GEMIN4: variants seen among roughly 807,000 people sequenced by gnomAD.
The protein encoded by GEMIN4 is gem nuclear organelle associated protein 4, also known as gem-associated protein 4.
Under a neutral mutation model 76.8 loss-of-function variants are expected in GEMIN4, and 59 were observed. The observed-to-expected ratio is 0.77, with a 90% CI of 0.62 to 0.95. The LOEUF is 0.95. GEMIN4 is among the 40% of genes least tolerant of loss of function. The pLI is 0.00. For synonymous variants in GEMIN4, 562 were observed against 559.7 expected (o/e 1.00, Z -0.06); for missense variants, 1,311 against 1,318.9 (o/e 0.99, Z 0.09).
chr17:745,823 T>C lies in GEMIN4; in HGVS notation c.2220A>G (p.Val740=). The C allele has an allele frequency of 6.2e-7, 1 of 1,613,154 alleles. No homozygotes were observed. The highest frequency in any genetic ancestry group is 8.5e-7 in the Non-Finnish European group (1 of 1,179,824). Residue 740 remains valine, a synonymous_variant, in exon 2 of 2, where the codon GTA becomes GTG. Transcript: ENST00000319004. This position sits in a 1 kb window ranked among gnomAD's most constrained non-coding sequence, Gnocchi z 4.6. ...GGGAGAAGGTCTCAGCATTGGCTGA[T>C]ACAATCTCACACAGGAGCTCCAGGA... ...IHILELLCEI[V]SANAETFSPD...
chr17:744,860 G>C lies in GEMIN4; in HGVS notation c.*6C>G. ...GCCATGTTGGGGCCCAGCTCCCCAC[G>C]CCAAGTCAGAAGCTGCTCATCTTCT... is the stretch of plus-strand genomic sequence containing the variant. On this transcript the variant is annotated 3_prime_UTR_variant, in exon 2 of 2. Coordinates refer to ENST00000319004, the MANE Select transcript of GEMIN4 (RefSeq NM_015721.3). 1 of 1,603,152 alleles carries C rather than the reference G, an allele frequency of 6.2e-7. No homozygotes were observed. Among genetic ancestry groups the C allele is most frequent in the South Asian group, 1.1e-5 (1 of 90,192 alleles).
In GEMIN4 at chr17:746,778, C is replaced by T. The variant is rs1466571370; in HGVS notation, c.1265G>A (p.Cys422Tyr). 6.2e-7 allele frequency: 1 copy of T among 1,613,822 alleles called. No homozygotes were observed. Among genetic ancestry groups the T allele is most frequent in the Non-Finnish European group, 8.5e-7 (1 of 1,179,822 alleles). Residue 422 changes from cysteine (C) to tyrosine (Y), a missense_variant, in exon 2 of 2, where the codon TGC becomes TAC. By Grantham distance (194) the Cys-to-Tyr change is radical (BLOSUM62 -2). Transcript: ENST00000319004. The surrounding 1 kb of genome is among the most constrained non-coding windows in gnomAD (Gnocchi z 4.3). ...QQKMDRHMEVCYIFASEKKWA... is the reference protein window; with the variant it reads ...QQKMDRHMEVYYIFASEKKWA... ...CTTCTTCTCAGAGGCAAAAATGTAG[C>T]ACACTTCCATATGGCGGTCCATCTT...
intron 1 of GEMIN4, chr17:748,903 G>T (rs1904459753): frequency 5.7e-6 from 1 of 173,926 alleles, no homozygotes; most frequent in Non-Finnish European, 1.1e-5. Flanking sequence ...AATGGGCACA[G>T]AGCAATCACA....
rs1278534254 is a variant in GEMIN4 at position 748,510 on chromosome 17, CTCCAGCAAAGGCTGG to C, written c.11-493_11-479del. The stretch of plus-strand genomic sequence containing the variant: ...AAAGCTGGGCTGCTGAGGCGAGACC[CTCCAGCAAAGGCTGG>C]GCCAGCAGAGGATGTGGGGAGAGGG... On this transcript the variant is annotated intron_variant, in intron 1 of 1. Coordinates refer to ENST00000319004, the MANE Select transcript of GEMIN4 (RefSeq NM_015721.3). 54 of 175,306 alleles carry C rather than the reference CTCCAGCAAAGGCTGG, an allele frequency of 3.1e-4. 1 individual carries two copies. Among genetic ancestry groups the C allele is most frequent in the Non-Finnish European group, 5.9e-4 (49 of 82,392 alleles). The allele number at this position is 175,306 out of a possible 1,614,324, so 10.9% of individuals were successfully genotyped here. A position where few individuals can be genotyped will look rare whatever the true frequency, so the allele number is the denominator to read the frequency against.
At chr17:748,947 C>G (rs1366337705) in intron 1 of GEMIN4, 2 of 167,294 alleles carry the variant, frequency 1.2e-5, no homozygotes, top group African/African-American at 5.7e-5. Flanking sequence ...AGCAATCACA[C>G]GGCCACAGGA....
chr17:748,884 CTACAGGATAATGGG>C (rs1904457472), intron 1 of GEMIN4: 2 of 187,178 alleles, frequency 1.1e-5, no homozygotes, highest in African/African-American at 5.2e-5. Flanking sequence ...AATCACACGG[CTACAGGATAATGGG>C]CACAGAGCAA....
chr17:747,772 G>GT lies in GEMIN4; in HGVS notation c.270dup (p.Arg91ThrfsTer61). On this transcript the variant is annotated frameshift_variant, in exon 2 of 2. Coordinates refer to ENST00000319004, the MANE Select transcript of GEMIN4 (RefSeq NM_015721.3). LOFTEE classifies it high-confidence loss of function. ...GAGAAGAACAGGTCTTCCTGCCACC[G>GT]TGTCTCTGTGTCGGACGGGGTCACG... 2 of 1,613,568 alleles carry GT rather than the reference G, an allele frequency of 1.2e-6. No individual in the cohort carries two copies. Among genetic ancestry groups the GT allele is most frequent in the Non-Finnish European group, 1.7e-6 (2 of 1,179,794 alleles).
rs1379225681 is a variant in GEMIN4, at chr17:747,661, G to A, written c.382C>T (p.Leu128Phe). 1.2e-6 allele frequency: 2 copies of A among 1,613,874 alleles called. No homozygotes were observed. Among genetic ancestry groups the A allele is most frequent in the Non-Finnish European group, 1.7e-6 (2 of 1,179,888 alleles). Residue 128 changes from leucine (L) to phenylalanine (F), a missense_variant, in exon 2 of 2, where the codon CTC (leucine) becomes TTC (phenylalanine). By Grantham distance (22) the Leu-to-Phe change is conservative (BLOSUM62 0). Coordinates refer to ENST00000319004, the MANE Select transcript of GEMIN4 (RefSeq NM_015721.3). Reference protein sequence around the residue: ...SLEASGLFIQLLMALPTTICH... With the variant: ...SLEASGLFIQFLMALPTTICH... ...ATGGTGGTGGGCAGGGCCATCAGGA[G>A]CTGGATAAAGAGTCCAGAAGCTTCC...
At chr17:752,640 G>T, upstream of GEMIN4, 1 of 1,007,296 alleles carries the variant, frequency 9.9e-7, no homozygotes, top group Non-Finnish European at 1.2e-6. Context: ...CGCTCCTGCC[G>T]CGCCGCCCCC....
chr17:747,188 G>C lies in GEMIN4; in HGVS notation c.855C>G (p.His285Gln), dbSNP rs1257302179. 6.2e-7 allele frequency: 1 copy of C among 1,612,982 alleles called. No homozygotes were observed. The highest frequency in any genetic ancestry group is 8.5e-7 in the Non-Finnish European group (1 of 1,179,598). Reference protein sequence around the residue: ...VWNSDTQNPYHQQALAEKVKE... With the variant: ...VWNSDTQNPYQQQALAEKVKE... Reference sequence around the variant, plus strand: ...TCACCTTCTCTGCCAGCGCCTGCTGGTGGTAGGGATTCTGGGTGTCCGAGT... The same window carrying C: ...TCACCTTCTCTGCCAGCGCCTGCTGCTGGTAGGGATTCTGGGTGTCCGAGT... The change falls in exon 2 of 2, where the codon CAC becomes CAG. Residue 285 changes from histidine to glutamine, a missense_variant. Transcript: ENST00000319004.
chr17:752,235 G>A lies in GEMIN4; in HGVS notation c.-93C>T, dbSNP rs1478929115. On this transcript the variant is annotated 5_prime_UTR_variant, in exon 1 of 2. Transcript: ENST00000319004. ...GACGCACGGCACGATGGGAGACGCA[G>A]GAGCCACGGCGGCCGCGCTTAGGCC... 27 of 1,228,752 alleles carry A rather than the reference G, an allele frequency of 2.2e-5. No homozygotes were observed. Among genetic ancestry groups the A allele is most frequent in the East Asian group, 6.3e-5 (2 of 31,516 alleles). 76.1% of individuals were successfully genotyped at this position (1,228,752 alleles called of 1,614,324 possible).
At chr17:752,872 C>T (rs1904835405), upstream of GEMIN4, 2 of 153,750 alleles carry the variant, frequency 1.3e-5, no homozygotes, top group Admixed American at 1.3e-4. Context: ...CAGGGACCGC[C>T]TCCACCACCC....
upstream of GEMIN4, chr17:752,706 A>C (rs1358468453): frequency 3.4e-6 from 3 of 878,738 alleles, no homozygotes; most frequent in Non-Finnish European, 4.1e-6. Context: ...TCCTCCCCAG[A>C]AAATGCGCCG....
chr17:746,586 C>G lies in GEMIN4; in HGVS notation c.1457G>C (p.Cys486Ser). Reference sequence around the variant, plus strand: ...ACCTGGCAGGGAGAGGTCTGCGTAACATTCCAGGATCAGGTGGATCACCTG... The same window carrying G: ...ACCTGGCAGGGAGAGGTCTGCGTAAGATTCCAGGATCAGGTGGATCACCTG... ...IRQVIHLILECYADLSLPGKN... is the reference protein window; with the variant it reads ...IRQVIHLILESYADLSLPGKN... The change falls in exon 2 of 2, where the codon TGT (cysteine) becomes TCT (serine). Residue 486 changes from cysteine (C) to serine (S), a missense_variant. This residue lies in a region of GEMIN4 where 1,208 missense variants were observed against 1,166.9 expected (regional missense o/e 1.04). Coordinates refer to ENST00000319004, the MANE Select transcript of GEMIN4 (RefSeq NM_015721.3). The surrounding 1 kb of genome is among the most constrained non-coding windows in gnomAD (Gnocchi z 4.3). 6.2e-7 allele frequency: 1 copy of G among 1,613,648 alleles called. No homozygotes were observed.
In GEMIN4 at chr17:746,795, G is replaced by C. The variant is rs1487532819; in HGVS notation, c.1248C>G (p.Asp416Glu). ...AAATGTAGCACACTTCCATATGGCG[G>C]TCCATCTTCTGCTGGATGACGGCCA... ...IAMAVIQQKMDRHMEVCYIFA... is the reference protein window; with the variant it reads ...IAMAVIQQKMERHMEVCYIFA... The change falls in exon 2 of 2, where the codon GAC becomes GAG. Residue 416 changes from aspartate to glutamate, a missense_variant. Physicochemically the swap from Asp to Glu is conservative, Grantham distance 45. Around this residue, in one of 2 missense-constraint regions of GEMIN4, gnomAD observed 1,208 missense variants for 1,166.9 expected, o/e 1.04. Coordinates refer to ENST00000319004, the MANE Select transcript of GEMIN4 (RefSeq NM_015721.3). The surrounding 1 kb of genome is among the most constrained non-coding windows in gnomAD (Gnocchi z 4.3). The C allele has an allele frequency of 5.6e-6, 9 of 1,613,672 alleles. No individual in the cohort carries two copies. In the East Asian group the frequency reaches 2.0e-4, roughly 36 times the overall value.
Position 746,167 on chromosome 17 carries a change from C to G in GEMIN4, c.1876G>C (p.Glu626Gln). The G allele has an allele frequency of 2.5e-6, 4 of 1,613,912 alleles. No individual in the cohort carries two copies. In the South Asian group the frequency reaches 4.4e-5, roughly 18 times the overall value. The change falls in exon 2 of 2, where the codon GAG becomes CAG. Residue 626 changes from glutamate to glutamine, a missense_variant. This residue lies in a region of GEMIN4 where 1,208 missense variants were observed against 1,166.9 expected (regional missense o/e 1.04). Transcript: ENST00000319004. The surrounding 1 kb of genome is among the most constrained non-coding windows in gnomAD (Gnocchi z 4.3). ...STPKEEKQFL[E>Q]LLNCLMSPVK... is the part of the protein sequence containing the mutation. ...GGACTCATCAGGCAGTTCAGGAGCT[C>G]TAAAAATTGCTTTTCTTCCTTGGGT...
intron 1 of GEMIN4, chr17:749,903 C>A: frequency 1.0e-6 from 1 of 988,024 alleles, no homozygotes; most frequent in Non-Finnish European, 1.2e-6. Flanking sequence ...TACTCATGGC[C>A]CTAGCTCTGT....
Position 744,633 on chromosome 17 carries a change from G to A in GEMIN4, c.*233C>T. Reference sequence around the variant, plus strand: ...AGAGACAAAGTGAGATGCGAAAGAGGAGAATTTTTATGATAGTTTGTACGT... The same window carrying A: ...AGAGACAAAGTGAGATGCGAAAGAGAAGAATTTTTATGATAGTTTGTACGT... On this transcript the variant is annotated 3_prime_UTR_variant, in exon 2 of 2. Coordinates refer to ENST00000319004, the MANE Select transcript of GEMIN4 (RefSeq NM_015721.3). 4.3e-6 allele frequency: 2 copies of A among 463,964 alleles called. No homozygotes were observed. The highest frequency in any genetic ancestry group is 3.5e-5 in the East Asian group (1 of 28,474). 28.7% of individuals were successfully genotyped at this position (463,964 alleles called of 1,614,324 possible).
Position 744,972 on chromosome 17 carries a change from G to T in GEMIN4, c.3071C>A (p.Ser1024Tyr). ...TLSKTNPSVS[S>Y]LLQRAHEQRF... ...CTGCTCGTGTGCCCTCTGGAGCAAG[G>T]AGCTGACAGAAGGGTTGGTCTTGCT... Residue 1024 changes from serine (S) to tyrosine (Y), a missense_variant, in exon 2 of 2, where the codon TCC becomes TAC. This residue lies in a region of GEMIN4 where 1,208 missense variants were observed against 1,166.9 expected (regional missense o/e 1.04). Transcript: ENST00000319004. 1 of 1,613,948 alleles carries T rather than the reference G, an allele frequency of 6.2e-7. No homozygotes were observed. The highest frequency in any genetic ancestry group is 8.5e-7 in the Non-Finnish European group (1 of 1,179,890).
Sources: gnomAD v4.1 joint callset for allele counts on GRCh38, gnomAD v4.1.1 for gene constraint, gnomAD v4.1.1 regional missense constraint, Gnocchi (gnomAD v3.1) non-coding constraint, MANE v1.5 for transcripts, NCBI Gene and HGNC (gene_info 2026-07-23, HGNC 2026-07-21) for gene names.